AVEN: variants seen among roughly 807,000 people sequenced by gnomAD.
The protein encoded by AVEN is cell death regulator Aven.
AVEN carries 41 observed loss-of-function variants against 38.1 expected under a neutral mutation model. The observed-to-expected ratio is 1.08, with a 90% CI of 0.84 to 1.40. The LOEUF is 1.40. AVEN is among the 40% of genes most tolerant of loss of function. The pLI, the probability that AVEN is intolerant of heterozygous loss-of-function variation, is 0.00. For missense variants in AVEN, 605 were observed against 438.8 expected, an observed-to-expected ratio of 1.38 and a Z score of -3.38; for synonymous variants, 206 against 171.8, an observed-to-expected ratio of 1.20 and a Z score of -1.56.
chr15:34,062,886 G>A (rs1165544868), intron 5 of AVEN: 1 of 1,614,192 alleles, frequency 6.2e-7, no homozygotes. Context: ...CTCCTTCAAA[G>A]TCAACAGCCA....
intron 4 of AVEN, among the ~76,000 whole-genome samples, chr15:33,868,558 A>AG (rs1229425677): frequency 2.7e-5 from 4 of 147,464 alleles, no homozygotes; most frequent in African/African-American, 1.0e-4. Context: ...AAAAAAAAAA[A>AG]AAAAAAAAAA....
chr15:33,869,129 C>A (rs933884418), intron 4 of AVEN, among the ~76,000 whole-genome samples: 5 of 152,142 alleles, frequency 3.3e-5, no homozygotes, highest in Admixed American at 3.3e-4. Context: ...CAGAGTCAGT[C>A]AGTTGTACAG....
chr15:33,933,524 C>CACACACACACACACACACAGAG (rs1893945145), intron 2 of AVEN, among the ~76,000 whole-genome samples: 9 of 46,638 alleles, frequency 1.9e-4, no homozygotes, highest in African/African-American at 4.2e-4. Context: ...CACACACACA[C>CACACACACACACACACACAGAG]AGAGAGAGAG....
At chr15:34,026,909 T>C (rs915188726) in intron 1 of AVEN, among the ~76,000 whole-genome samples, 1 of 152,134 alleles carries the variant, frequency 6.6e-6, no homozygotes, top group African/African-American at 2.4e-5. Context: ...CTACGTATAA[T>C]AGAATTAAAG....
intron 5 of AVEN, among the ~76,000 whole-genome samples, chr15:33,866,936 G>T (rs1360461606): frequency 6.7e-6 from 1 of 150,178 alleles, no homozygotes; most frequent in African/African-American, 2.4e-5. Context: ...TTGCTAGTTG[G>T]TTTTTTTTTC....
chr15:33,872,324 C>T (rs1891004088), intron 3 of AVEN, among the ~76,000 whole-genome samples: 1 of 152,232 alleles, frequency 6.6e-6, no homozygotes, highest in Non-Finnish European at 1.5e-5. Flanking sequence ...TATAAAGGCA[C>T]ACTCTTTAGT....
At chr15:33,868,531 T>A (rs1157206106) in intron 4 of AVEN, among the ~76,000 whole-genome samples, 3 of 111,708 alleles carry the variant, frequency 2.7e-5, no homozygotes, top group African/African-American at 1.1e-4. Context: ...GGCAACAGAA[T>A]GAGACTCCGT....
At chr15:33,917,700 T>C (rs1045411252) in intron 2 of AVEN, among the ~76,000 whole-genome samples, 15 of 152,120 alleles carry the variant, frequency 9.9e-5, no homozygotes, top group African/African-American at 3.6e-4. Flanking sequence ...CTGGATGGAA[T>C]TGGAGATTAC....
At chr15:33,980,739 C>T (rs1896101137) in intron 2 of AVEN, among the ~76,000 whole-genome samples, 1 of 152,196 alleles carries the variant, frequency 6.6e-6, no homozygotes, top group South Asian at 2.1e-4. Context: ...CAAATTACTT[C>T]TTGCTCTAAG....
chr15:33,867,365 T>C (rs1330418853), intron 5 of AVEN, 130 bp downstream of exon 5: 4 of 1,291,272 alleles, frequency 3.1e-6, no homozygotes, highest in African/African-American at 1.5e-5. Context: ...AGCACAGAAA[T>C]AGATGTCAGT....
chr15:34,043,308 A>G (rs765206684), upstream of AVEN, among the ~76,000 whole-genome samples: 3 of 151,956 alleles, frequency 2.0e-5, no homozygotes, highest in Non-Finnish European at 4.4e-5. Context: ...AGTAGATGTT[A>G]TGATAGGACT....
At chr15:34,038,634 A>T in intron 1 of AVEN, 146 bp downstream of exon 1, 2 of 680,696 alleles carry the variant, frequency 2.9e-6, no homozygotes, top group Non-Finnish European at 3.8e-6. Flanking sequence ...CCCCCGCGCC[A>T]CCATCCGCCC....
At chr15:33,861,929 T>C (rs1431831290), downstream of AVEN, among the ~76,000 whole-genome samples, 1 of 152,168 alleles carries the variant, frequency 6.6e-6, no homozygotes, top group Non-Finnish European at 1.5e-5. Flanking sequence ...AGCCTCATAC[T>C]GCTTTATCCC....
intron 2 of AVEN, among the ~76,000 whole-genome samples, chr15:33,884,924 C>G (rs1020667106): frequency 6.6e-6 from 1 of 152,194 alleles, no homozygotes; most frequent in African/African-American, 2.4e-5. Flanking sequence ...CTATTTGGAT[C>G]TTTCAAATCA....
chr15:33,934,014 G>T (rs555108142), intron 2 of AVEN, among the ~76,000 whole-genome samples: 1 of 152,292 alleles, frequency 6.6e-6, no homozygotes, highest in South Asian at 2.1e-4. Context: ...CTTTGCTCAA[G>T]AAATCCCTCT....
At chr15:33,970,803 C>G (rs1567440507) in intron 2 of AVEN, among the ~76,000 whole-genome samples, 1 of 151,836 alleles carries the variant, frequency 6.6e-6, no homozygotes, top group Non-Finnish European at 1.5e-5. Flanking sequence ...GTAATGTAAA[C>G]AGAGACTCAT....
chr15:33,861,867 T>C (rs1296685998), downstream of AVEN, among the ~76,000 whole-genome samples: 5 of 152,112 alleles, frequency 3.3e-5, no homozygotes, highest in East Asian at 9.6e-4. Flanking sequence ...TCAGGTGATC[T>C]GCCTGCCTCG....
At chr15:33,875,231 T>C (rs916453903) in intron 3 of AVEN, among the ~76,000 whole-genome samples, 1 of 152,174 alleles carries the variant, frequency 6.6e-6, no homozygotes, top group South Asian at 2.1e-4. Flanking sequence ...GGGCAGATGG[T>C]AATCAGTTTA....
Position 33,938,433 on chromosome 15 carries a change from T to C in AVEN, c.446-62438A>G, listed in dbSNP as rs1051010984. Among the ~76,000 whole-genome samples, 4 of 151,944 alleles carry C rather than the reference T, an allele frequency of 2.6e-5. No homozygotes were observed. The East Asian group carries it at 7.7e-4, about 29-fold the overall frequency. On this transcript the variant is annotated intron_variant, in intron 2 of 5. Coordinates refer to ENST00000306730, the MANE Select transcript of AVEN (RefSeq NM_020371.3). ...TCGCGCCACTGCACTCCAGCCTGGG[T>C]GACAGAGCAAGACTCCGTCTTGAAA... is the stretch of plus-strand genomic sequence containing the variant.
Sources: allele counts gnomAD v4.1 joint callset (sites outside exome capture counted in the v4.1 genomes callset), GRCh38; gene constraint gnomAD v4.1.1; transcripts MANE v1.5; gene names NCBI Gene and HGNC (gene_info 2026-07-23, HGNC 2026-07-21).